The following IL1RAPL2 variants were observed in gnomAD, a reference collection of about 807,000 sequenced individuals.
IL1RAPL2 encodes the protein X-linked interleukin-1 receptor accessory protein-like 2.
Under a neutral mutation model 44.1 loss-of-function variants are expected in IL1RAPL2, and 3 were observed. The ratio of observed to expected loss-of-function variants is 0.07; its 90% CI spans 0.03 to 0.18. IL1RAPL2 has a LOEUF of 0.18. Among genes scored for constraint, IL1RAPL2 ranks in the 10% least tolerant of loss-of-function variants. The pLI, the probability that IL1RAPL2 is intolerant of heterozygous loss-of-function variation, is 1.00. For missense variants in IL1RAPL2, 391 were observed against 496.4 expected, an observed-to-expected ratio of 0.79 and a Z score of 2.02; for synonymous variants, 181 against 178.8, an observed-to-expected ratio of 1.01 and a Z score of -0.10.
At chrX:104,788,408 C>A (rs769946616) in intron 2 of IL1RAPL2, among the ~76,000 whole-genome samples, 2 of 111,916 alleles carry the variant, frequency 1.8e-5, no homozygotes, top group Non-Finnish European at 3.8e-5. Context: ...AAGCCTAGAG[C>A]ATTTCTCTGA....
At chrX:104,892,518 T>C (rs562678592) in intron 2 of IL1RAPL2, among the ~76,000 whole-genome samples, 3 of 111,701 alleles carry the variant, frequency 2.7e-5, no homozygotes, top group African/African-American at 9.8e-5. Context: ...GTTTAGTCTT[T>C]GGAGGGTGTA....
At chrX:105,239,432 C>CT (rs1476500700) in intron 4 of IL1RAPL2, among the ~76,000 whole-genome samples, 1 of 111,386 alleles carries the variant, frequency 9.0e-6, no homozygotes, top group East Asian at 2.8e-4. Context: ...GCAATGTTGT[C>CT]TTTAACCCAT....
chrX:104,737,680 C>G (rs1215791318), intron 2 of IL1RAPL2, among the ~76,000 whole-genome samples: 1 of 111,751 alleles, frequency 8.9e-6, no homozygotes, highest in Non-Finnish European at 1.9e-5. Context: ...GTGACTTGGC[C>G]TTTCAGTCAG....
chrX:105,648,509 A>G (rs2016832951), intron 6 of IL1RAPL2, among the ~76,000 whole-genome samples: 1 of 111,711 alleles, frequency 9.0e-6, no homozygotes, highest in East Asian at 2.8e-4. Flanking sequence ...GATATGCTTA[A>G]CTACCCTCAA....
chrX:105,408,697 A>G (rs2147739433), intron 5 of IL1RAPL2, among the ~76,000 whole-genome samples: 1 of 111,663 alleles, frequency 9.0e-6, no homozygotes, highest in African/African-American at 3.2e-5. Context: ...TTATATTTAA[A>G]TCATTTCACT....
chrX:105,625,577 A>AT (rs1346620656), intron 6 of IL1RAPL2, among the ~76,000 whole-genome samples: 2 of 111,789 alleles, frequency 1.8e-5, no homozygotes, highest in Non-Finnish European at 3.8e-5. Context: ...ACTCATTCTT[A>AT]TTTGGAGCTT....
intron 1 of IL1RAPL2, among the ~76,000 whole-genome samples, chrX:104,634,124 G>A (rs1850564747): frequency 1.8e-5 from 2 of 111,513 alleles, no homozygotes; most frequent in South Asian, 7.7e-4. Context: ...TCAGGAGCAG[G>A]TTGTTCAGTT....
chrX:105,079,156 A>G (rs971789721), intron 2 of IL1RAPL2, among the ~76,000 whole-genome samples: 2 of 111,478 alleles, frequency 1.8e-5, no homozygotes, highest in African/African-American at 3.3e-5. Context: ...AGCTCGCCAA[A>G]TTTTCTTTAT....
rs1346970869 is a variant in IL1RAPL2, at chrX:105,755,233, G to C, written c.1249G>C (p.Asp417His). Residue 417 changes from aspartate (D) to histidine (H), a missense_variant, in exon 10 of 11, where the codon GAC (aspartate) becomes CAC (histidine). Asp to His is a moderately conservative substitution (Grantham distance 81). This residue lies in a region of IL1RAPL2 where 232 missense variants were observed against 244.8 expected (regional missense o/e 0.95). Transcript: ENST00000372582. ...SYTKVDQDTL[D>H]CDNPEEEQFA... Reference sequence around the variant, plus strand: ...CACAAAAGTGGACCAAGATACTTTAGACTGTGACAATCCTGAAGAAGAGCA... The same window carrying C: ...CACAAAAGTGGACCAAGATACTTTACACTGTGACAATCCTGAAGAAGAGCA... 2 of 1,197,424 alleles carry C rather than the reference G, an allele frequency of 1.7e-6. No individual in the cohort carries two copies. The highest frequency in any genetic ancestry group is 1.1e-6 in the Non-Finnish European group (1 of 884,004).
intron 2 of IL1RAPL2, among the ~76,000 whole-genome samples, chrX:104,777,365 G>A (rs1932733967): frequency 9.1e-6 from 1 of 109,491 alleles, no homozygotes; most frequent in Non-Finnish European, 1.9e-5. Flanking sequence ...TATTGTACCA[G>A]GTGTCCAAAT....
intron 1 of IL1RAPL2, among the ~76,000 whole-genome samples, chrX:104,596,781 C>T (rs1313788719): frequency 1.8e-5 from 2 of 110,979 alleles, no homozygotes; most frequent in African/African-American, 6.6e-5. Flanking sequence ...AGAACGTTTT[C>T]CAGAATGGAG....
intron 2 of IL1RAPL2, among the ~76,000 whole-genome samples, chrX:105,049,505 T>C (rs1474467932): frequency 9.0e-6 from 1 of 111,276 alleles, no homozygotes; most frequent in Admixed American, 9.6e-5. Flanking sequence ...AGACAATTAG[T>C]CTTTTAAAAG....
At chrX:105,301,581 G>C (rs888157650) in intron 5 of IL1RAPL2, among the ~76,000 whole-genome samples, 19 of 108,717 alleles carry the variant, frequency 1.7e-4, no homozygotes, top group African/African-American at 6.1e-4. Context: ...GAGTTCAGTT[G>C]TTTTGAAGTT....
At chrX:105,609,609 AC>A (rs1468660193) in intron 6 of IL1RAPL2, among the ~76,000 whole-genome samples, 1 of 112,058 alleles carries the variant, frequency 8.9e-6, no homozygotes, top group East Asian at 2.8e-4. Flanking sequence ...CAGGAAAAAT[AC>A]CAGAAGTTTA....
chrX:104,948,634 T>C (rs1348223883), intron 2 of IL1RAPL2, among the ~76,000 whole-genome samples: 1 of 111,581 alleles, frequency 9.0e-6, no homozygotes, highest in Non-Finnish European at 1.9e-5. Flanking sequence ...TGAAGCATTG[T>C]TGAATTTTGT....
intron 1 of IL1RAPL2, among the ~76,000 whole-genome samples, chrX:104,640,017 G>T (rs981004406): frequency 3.6e-5 from 4 of 111,494 alleles, no homozygotes; most frequent in Non-Finnish European, 7.5e-5. Flanking sequence ...GTATCTGAAT[G>T]TCTAAATCCC....
At chrX:105,628,157 T>G (rs762038211) in intron 6 of IL1RAPL2, among the ~76,000 whole-genome samples, 47 of 111,841 alleles carry the variant, frequency 4.2e-4, no homozygotes, top group Non-Finnish European at 7.5e-5. Flanking sequence ...ATTGGTATTG[T>G]ACCCATTTCA....
At chrX:104,712,766 G>T (rs902801256) in intron 2 of IL1RAPL2, among the ~76,000 whole-genome samples, 1 of 110,313 alleles carries the variant, frequency 9.1e-6, no homozygotes, top group African/African-American at 3.3e-5. Flanking sequence ...GAATCTTGTT[G>T]GCAAAACTTT....
intron 2 of IL1RAPL2, among the ~76,000 whole-genome samples, chrX:104,702,041 A>G (rs1465797987): frequency 1.8e-5 from 2 of 111,503 alleles, no homozygotes; most frequent in Non-Finnish European, 3.8e-5. Context: ...TCTATAAATT[A>G]TGCTCTACCC....
Sources: gnomAD v4.1 joint callset for allele counts (sites outside exome capture counted in the v4.1 genomes callset) on GRCh38, gnomAD v4.1.1 for gene constraint, gnomAD v4.1.1 regional missense constraint, MANE v1.5 for transcripts, NCBI Gene and HGNC (gene_info 2026-07-23, HGNC 2026-07-21) for gene names.